The following ST6GAL2 variants were observed in gnomAD, a reference collection of about 807,000 sequenced individuals.
ST6GAL2 encodes beta-galactoside alpha-2,6-sialyltransferase 2.
In ST6GAL2, 24 loss-of-function variants were observed where a neutral mutation model predicts 37.5. The observed-to-expected ratio is 0.64, with a 90% CI of 0.46 to 0.90. The LOEUF is 0.90. ST6GAL2 is among the 40% of genes least tolerant of loss of function. The pLI is 0.00. For missense variants in ST6GAL2, 715 were observed against 712.7 expected (o/e 1.00, Z -0.04); for synonymous variants, 306 against 295.1 (o/e 1.04, Z -0.38).
intron 1 of ST6GAL2, among the ~76,000 whole-genome samples, chr2:106,863,478 T>C (rs1300436062): frequency 1.3e-5 from 2 of 152,000 alleles, no homozygotes; most frequent in Admixed American, 6.6e-5. Context: ...TCAAAATATT[T>C]TGGGGGAGCA....
At chr2:106,808,389 C>A (rs1350641725) in intron 5 of ST6GAL2, among the ~76,000 whole-genome samples, 1 of 152,212 alleles carries the variant, frequency 6.6e-6, no homozygotes, top group African/African-American at 2.4e-5. Flanking sequence ...GAGTAAAACA[C>A]ACTCCTAACA....
intron 1 of ST6GAL2, among the ~76,000 whole-genome samples, chr2:106,857,882 AG>A (rs928378056): frequency 1.3e-5 from 2 of 152,190 alleles, no homozygotes; most frequent in African/African-American, 4.8e-5. Flanking sequence ...ACCTACACAC[AG>A]GTCAGGTGTT....
intron 1 of ST6GAL2, among the ~76,000 whole-genome samples, chr2:106,855,506 C>T (rs1677538920): frequency 6.6e-6 from 1 of 152,080 alleles, no homozygotes; most frequent in African/African-American, 2.4e-5. Flanking sequence ...ATATAAATCA[C>T]CTAGTAGCTA....
At position 106,813,120 on chromosome 2, in the gene ST6GAL2, T is replaced by G. The variant is rs895935960; in HGVS notation, c.1319-6171A>C. On this transcript the variant is annotated intron_variant, in intron 5 of 5. Coordinates refer to ENST00000409382, the MANE Select transcript of ST6GAL2 (RefSeq NM_001142351.2). ...TAAGTTTCTTATATGGCCAGTTTTT[T>G]TTTTTTTTTTGAGATGGAGTCTCAC... is the stretch of plus-strand genomic sequence containing the variant. 13 of 1,254,514 alleles carry G rather than the reference T, an allele frequency of 1.0e-5. No individual in the cohort carries two copies. In the African/African-American group the frequency reaches 1.9e-4, roughly 18 times the overall value. The allele number at this position is 1,254,514 out of a possible 1,614,324, so 77.7% of individuals were successfully genotyped here. A position where few individuals can be genotyped will look rare whatever the true frequency, so the allele number is the denominator to read the frequency against.
At chr2:106,848,740 A>C (rs921168248) in intron 1 of ST6GAL2, among the ~76,000 whole-genome samples, 3 of 152,244 alleles carry the variant, frequency 2.0e-5, no homozygotes, top group Non-Finnish European at 2.9e-5. Context: ...TAAATAATTC[A>C]AAATTAAAAT....
At chr2:106,815,017 T>C (rs1177858866) in intron 5 of ST6GAL2, among the ~76,000 whole-genome samples, 1 of 152,228 alleles carries the variant, frequency 6.6e-6, no homozygotes, top group African/African-American at 2.4e-5. Flanking sequence ...ATTACCCTGA[T>C]TCATGTTACA....
intron 1 of ST6GAL2, among the ~76,000 whole-genome samples, chr2:106,851,349 C>A (rs1205987341): frequency 6.6e-6 from 1 of 152,016 alleles, no homozygotes; most frequent in Non-Finnish European, 1.5e-5. Flanking sequence ...AATGCCCAAA[C>A]AAAGACACGA....
At chr2:106,850,438 A>T (rs1677312543) in intron 1 of ST6GAL2, among the ~76,000 whole-genome samples, 1 of 152,174 alleles carries the variant, frequency 6.6e-6, no homozygotes, top group South Asian at 2.1e-4. Context: ...ATGCACAAGA[A>T]TAATAGGAAG....
chr2:106,840,260 A>C (rs1979082), intron 2 of ST6GAL2, among the ~76,000 whole-genome samples: 28,526 of 152,004 alleles, frequency 0.19, 4,061 homozygotes, highest in African/African-American at 0.39. Context: ...GCGGCCAACA[A>C]GAATTTCGCT....
At position 106,806,025 on chromosome 2, in the gene ST6GAL2, G is replaced by A. The variant is rs1573193412; in HGVS notation, c.*653C>T. On this transcript the variant is annotated 3_prime_UTR_variant, in exon 6 of 6. Coordinates refer to ENST00000409382, the MANE Select transcript of ST6GAL2 (RefSeq NM_001142351.2). ...GCTATATGGAATTTGGCTTTTTCTT[G>A]GACCTTTCAAGATGGATGTTTTCTG... The A allele has an allele frequency of 6.6e-6, 1 of 152,334 alleles. No homozygotes were observed. The highest frequency in any genetic ancestry group is 1.5e-5 in the Non-Finnish European group (1 of 68,196). The allele number at this position is 152,334 out of a possible 1,614,324, so 9.4% of individuals were successfully genotyped here.
At chr2:106,815,832 G>T (rs1448221966) in intron 5 of ST6GAL2, among the ~76,000 whole-genome samples, 1 of 152,164 alleles carries the variant, frequency 6.6e-6, no homozygotes, top group Non-Finnish European at 1.5e-5. Flanking sequence ...AAAGTGACAG[G>T]CCAGGAGGGT....
intron 1 of ST6GAL2, among the ~76,000 whole-genome samples, chr2:106,863,351 T>C (rs1166812186): frequency 6.6e-6 from 1 of 152,230 alleles, no homozygotes; most frequent in African/African-American, 2.4e-5. Context: ...CATGGATTTT[T>C]GCTTCTTGAG....
intron 1 of ST6GAL2, among the ~76,000 whole-genome samples, chr2:106,882,493 AAT>A (rs1678794092): frequency 6.6e-6 from 1 of 152,208 alleles, no homozygotes; most frequent in Non-Finnish European, 1.5e-5. Context: ...CATAAGTGCA[AAT>A]TAGTTACTAT....
chr2:106,808,116 C>T (rs1182804159), intron 5 of ST6GAL2, among the ~76,000 whole-genome samples: 1 of 152,124 alleles, frequency 6.6e-6, no homozygotes, highest in Non-Finnish European at 1.5e-5. Flanking sequence ...CAGTAATATT[C>T]CCTAATTAAC....
At chr2:106,829,977 A>G (rs1676351651) in intron 5 of ST6GAL2, 89 bp downstream of exon 5, 1 of 1,258,636 alleles carries the variant, frequency 7.9e-7, no homozygotes, top group South Asian at 1.3e-5. Context: ...AGGTATTTTC[A>G]ACCTGTATAA....
rs181268993 is a variant in ST6GAL2 at position 106,839,807 on chromosome 2, G to A, written c.943+3228C>T. ...TGAATGCTAGTAGCACTGCATAGAA[G>A]CAAATTATTATTGCTTATATGCATG... On this transcript the variant is annotated intron_variant, in intron 2 of 5. Transcript: ENST00000409382. 3.3e-5 allele frequency among the ~76,000 whole-genome samples: 5 copies of A among 152,292 alleles called. 1 individual carries two copies. In the East Asian group the frequency reaches 9.7e-4, roughly 29 times the overall value.
At chr2:106,807,471 T>C (rs185951803) in intron 5 of ST6GAL2, among the ~76,000 whole-genome samples, 32 of 152,316 alleles carry the variant, frequency 2.1e-4, no homozygotes, top group African/African-American at 7.5e-4. Flanking sequence ...TCTTATACTA[T>C]AGTTGTCTGA....
chr2:106,873,276 T>C (rs1303374019), intron 1 of ST6GAL2, among the ~76,000 whole-genome samples: 2 of 152,144 alleles, frequency 1.3e-5, no homozygotes, highest in Non-Finnish European at 2.9e-5. Flanking sequence ...AGGTGTGTGT[T>C]AGTTTCTCCA....
intron 1 of ST6GAL2, among the ~76,000 whole-genome samples, chr2:106,873,618 A>G (rs755127401): frequency 9.9e-5 from 15 of 152,260 alleles, no homozygotes; most frequent in Non-Finnish European, 1.8e-4. Context: ...CATGTCCATT[A>G]GTTCCGAATG....
Sources: gnomAD v4.1 joint callset for allele counts (sites outside exome capture counted in the v4.1 genomes callset) on GRCh38, gnomAD v4.1.1 for gene constraint, MANE v1.5 for transcripts, NCBI Gene and HGNC (gene_info 2026-07-23, HGNC 2026-07-21) for gene names.